FOXN1: variants seen among roughly 807,000 people sequenced by gnomAD.
The protein encoded by FOXN1 is forkhead box protein N1.
A neutral mutation model predicts 49.0 loss-of-function variants in FOXN1; 15 were observed. The ratio of observed to expected loss-of-function variants is 0.31; its 90% CI spans 0.20 to 0.47. The LOEUF is 0.47. Among genes scored for constraint, FOXN1 ranks in the 20% least tolerant of loss-of-function variants. The pLI is 1.00. For synonymous variants in FOXN1, 356 were observed against 369.0 expected (o/e 0.96, Z 0.40); for missense variants, 800 against 842.8 (o/e 0.95, Z 0.63).
At position 28,529,546 on chromosome 17, in the gene FOXN1, G is replaced by A. The variant is rs550014566; in HGVS notation, c.830+322G>A. The stretch of plus-strand genomic sequence containing the variant: ...TGAGAATTTAAGGGGGATGCTTGCT[G>A]CCTTCCCTGTGCCTCCCCGGAAACA... On this transcript the variant is annotated intron_variant, in intron 5 of 8. Transcript: ENST00000579795. Among the ~76,000 whole-genome samples, 123 of 152,306 alleles carry A rather than the reference G, an allele frequency of 8.1e-4. 1 individual carries two copies. Among genetic ancestry groups the A allele is most frequent in the Admixed American group, 1.4e-3 (22 of 15,306 alleles).
At chr17:28,530,503 G>C (rs963969671) in intron 5 of FOXN1, among the ~76,000 whole-genome samples, 1 of 152,200 alleles carries the variant, frequency 6.6e-6, no homozygotes, top group Non-Finnish European at 1.5e-5. Context: ...AGAGGGTAAG[G>C]CATTCACCCA....
chr17:28,533,371 G>A (rs1021993984), intron 6 of FOXN1, among the ~76,000 whole-genome samples: 1 of 151,664 alleles, frequency 6.6e-6, no homozygotes, highest in Non-Finnish European at 1.5e-5. Flanking sequence ...TCCCGCCACC[G>A]CCTCTCACCC....
intron 1 of FOXN1, among the ~76,000 whole-genome samples, chr17:28,511,069 G>A (rs923969057): frequency 6.6e-6 from 1 of 150,546 alleles, no homozygotes; most frequent in Non-Finnish European, 1.5e-5. Context: ...GCATAGCAGG[G>A]AACAATCTCT....
chr17:28,524,395 A>G, intron 2 of FOXN1, 108 bp from the exon 3 acceptor site: 3 of 1,014,546 alleles, frequency 3.0e-6, no homozygotes. Flanking sequence ...GGGTCTTCCC[A>G]GAGCTCAGCC....
At chr17:28,525,745 G>T (rs112915477) in intron 3 of FOXN1, among the ~76,000 whole-genome samples, 71 of 152,092 alleles carry the variant, frequency 4.7e-4, no homozygotes, top group African/African-American at 1.6e-3. Context: ...TTTCAAACAG[G>T]CCCCCATTCC....
At chr17:28,521,787 G>A (rs937841835) in intron 1 of FOXN1, among the ~76,000 whole-genome samples, 1 of 152,170 alleles carries the variant, frequency 6.6e-6, no homozygotes, top group African/African-American at 2.4e-5. Context: ...CATTTTCCCT[G>A]TTACCCTGTC....
In FOXN1 at chr17:28,523,942, C is replaced by A. The variant is rs371843446; in HGVS notation, c.-14-14C>A. The stretch of plus-strand genomic sequence containing the variant: ...TGCTGGTCCTCACTCTCATGGCAGA[C>A]GGCTTTCTTTGAGGCCAGGACTGGG... On this transcript the variant is annotated splice_polypyrimidine_tract_variant and intron_variant, in intron 1 of 8. Coordinates refer to ENST00000579795, the MANE Select transcript of FOXN1 (RefSeq NM_001369369.1). 1.2e-6 allele frequency: 2 copies of A among 1,613,056 alleles called. No individual in the cohort carries two copies. Among genetic ancestry groups the A allele is most frequent in the East Asian group, 2.2e-5 (1 of 44,848 alleles).
At chr17:28,515,175 G>A (rs1360834820) in intron 1 of FOXN1, among the ~76,000 whole-genome samples, 3 of 152,046 alleles carry the variant, frequency 2.0e-5, no homozygotes, top group East Asian at 3.8e-4. Context: ...TAAAGGCAGA[G>A]GAGGGGTGAG....
intron 5 of FOXN1, 62 bp downstream of exon 5, chr17:28,529,286 T>G (rs941249588): frequency 4.4e-6 from 7 of 1,594,180 alleles, no homozygotes; most frequent in African/African-American, 2.7e-5. Context: ...CTGGGAACAC[T>G]GAGGCATGGA....
chr17:28,520,531 G>T (rs906240377), intron 1 of FOXN1, among the ~76,000 whole-genome samples: 1 of 152,180 alleles, frequency 6.6e-6, no homozygotes, highest in Non-Finnish European at 1.5e-5. Context: ...GCAAATTAAG[G>T]GGTGGGCCTC....
At chr17:28,532,847 C>A (rs1331156383) in intron 6 of FOXN1, among the ~76,000 whole-genome samples, 2 of 152,202 alleles carry the variant, frequency 1.3e-5, no homozygotes, top group African/African-American at 4.8e-5. Flanking sequence ...GCCCTGGCAT[C>A]CCAAAGTCAC....
At position 28,524,795 on chromosome 17, in the gene FOXN1, A is replaced by G. The variant is rs762569174; in HGVS notation, c.416A>G (p.Glu139Gly). 3.1e-6 allele frequency: 5 copies of G among 1,613,466 alleles called. No individual in the cohort carries two copies. In the African/African-American group the frequency reaches 6.7e-5, roughly 22 times the overall value. Residue 139 changes from glutamate to glycine, a missense_variant, in exon 3 of 9, where the codon GAG becomes GGG. Glu to Gly is a moderately conservative substitution (Grantham distance 98). Around this residue, in one of 3 missense-constraint regions of FOXN1, gnomAD observed 383 missense variants for 357.9 expected, o/e 1.07. Coordinates refer to ENST00000579795, the MANE Select transcript of FOXN1 (RefSeq NM_001369369.1). ...CATGAGGACGTCTTCCCAGAGGCCGAGACCACCCTGGCCCTCAAAGGACAC... is the reference window on the plus strand; with the variant it reads ...CATGAGGACGTCTTCCCAGAGGCCGGGACCACCCTGGCCCTCAAAGGACAC... ...PFHEDVFPEA[E>G]TTLALKGHSF...
At chr17:28,518,018 A>T (rs2069564132) in intron 1 of FOXN1, among the ~76,000 whole-genome samples, 1 of 148,666 alleles carries the variant, frequency 6.7e-6, no homozygotes, top group Non-Finnish European at 1.5e-5. Flanking sequence ...TCCACAGGGT[A>T]CACACCTCCA....
At chr17:28,535,254 A>G in intron 8 of FOXN1, 56 bp downstream of exon 8, 2 of 1,575,366 alleles carry the variant, frequency 1.3e-6, no homozygotes, top group Non-Finnish European at 8.6e-7. Flanking sequence ...AGCACCTGGC[A>G]GTGGGACTCA....
Position 28,535,016 on chromosome 17 carries a change from G to A in FOXN1, c.1445G>A (p.Arg482Gln), listed in dbSNP as rs768671496. ...FPQPDGHLEL[R>Q]AQPGTPQDSP... ...CAGCCGGACGGGCACCTTGAGCTGC[G>A]GGCCCAGCCAGGCACCCCCCAGGAC... is the stretch of plus-strand genomic sequence containing the variant. Residue 482 changes from arginine to glutamine, a missense_variant, in exon 8 of 9, where the codon CGG (arginine) becomes CAG (glutamine). By Grantham distance (43) the Arg-to-Gln change is conservative. Around this residue, in one of 3 missense-constraint regions of FOXN1, gnomAD observed 344 missense variants for 366.1 expected, o/e 0.94. Coordinates refer to ENST00000579795, the MANE Select transcript of FOXN1 (RefSeq NM_001369369.1). 1.8e-5 allele frequency: 29 copies of A among 1,613,512 alleles called. No homozygotes were observed. Among genetic ancestry groups the A allele is most frequent in the African/African-American group, 1.7e-4 (13 of 74,888 alleles).
chr17:28,512,623 G>A (rs192791090), intron 1 of FOXN1, among the ~76,000 whole-genome samples: 1 of 152,332 alleles, frequency 6.6e-6, no homozygotes, highest in East Asian at 1.9e-4. Flanking sequence ...GGAAGGTGGA[G>A]GTGGGAGAAC....
chr17:28,534,715 G>A lies in FOXN1; in HGVS notation c.1144G>A (p.Asp382Asn). 7.4e-6 allele frequency: 12 copies of A among 1,613,462 alleles called. No homozygotes were observed. The highest frequency in any genetic ancestry group is 1.0e-5 in the Non-Finnish European group (12 of 1,179,922). Residue 382 changes from aspartate (D) to asparagine (N), a missense_variant, in exon 8 of 9, where the codon GAC becomes AAC. By Grantham distance (23) the Asp-to-Asn change is conservative. Transcript: ENST00000579795. The surrounding 1 kb of genome is among the most constrained non-coding windows in gnomAD (Gnocchi z 4.1). ...TCTCTTGGGCCTTTCAGAAGAGCTG[G>A]ACAGCCTCATTGGAGACAAGAGAGA... ...RKSMAKPEEL[D>N]SLIGDKREKL... is the part of the protein sequence containing the mutation.
At chr17:28,531,225 G>A (rs1384073628) in intron 6 of FOXN1, among the ~76,000 whole-genome samples, 3 of 152,218 alleles carry the variant, frequency 2.0e-5, no homozygotes, top group East Asian at 1.9e-4. Context: ...TGTGGGGCTG[G>A]AGAAGCTAGT....
chr17:28,533,117 C>T (rs1249891986), intron 6 of FOXN1, among the ~76,000 whole-genome samples: 1 of 152,236 alleles, frequency 6.6e-6, no homozygotes, highest in Non-Finnish European at 1.5e-5. Context: ...CATCAAGACC[C>T]AGTTCTGCTG....
Sources: allele counts gnomAD v4.1 joint callset (sites outside exome capture counted in the v4.1 genomes callset), GRCh38; gene constraint gnomAD v4.1.1; regional missense constraint gnomAD v4.1.1; non-coding constraint Gnocchi (gnomAD v3.1); transcripts MANE v1.5; gene names NCBI Gene and HGNC (gene_info 2026-07-23, HGNC 2026-07-21).